The following LRRC37A variants were observed in gnomAD, a reference collection of about 807,000 sequenced individuals.
LRRC37A encodes the protein leucine-rich repeat-containing protein 37A.
A neutral mutation model predicts 35.4 loss-of-function variants in LRRC37A; 3 were observed. The observed-to-expected ratio is 0.08, with a 90% confidence interval of 0.04 to 0.22. LRRC37A has a LOEUF of 0.22. Among genes scored for constraint, LRRC37A ranks in the 10% least tolerant of loss-of-function variants. The probability of loss-of-function intolerance (pLI) is 1.00; values close to 1 mark genes in which losing one functional copy is unlikely to be tolerated. For missense variants in LRRC37A, 67 were observed against 565.3 expected, an observed-to-expected ratio of 0.12 and a Z score of 8.94; for synonymous variants, 23 against 215.0, an observed-to-expected ratio of 0.11 and a Z score of 7.81.
chr17:46,256,408 AAGAAAAAAAAAAGAAG>A, the LRRC37A span, among the ~76,000 whole-genome samples: 1 of 152,028 alleles, frequency 6.6e-6, no homozygotes, highest in South Asian at 2.1e-4. Flanking sequence ...TCAAAACAAA[AAGAAAAAAAAAAGAAG>A]AGACCAGAGA....
At chr17:46,258,269 G>A in the LRRC37A span, among the ~76,000 whole-genome samples, 19,515 of 146,750 alleles carry the variant, frequency 0.13, 2,105 homozygotes, top group Non-Finnish European at 0.21. Context: ...GGAGTGCAGC[G>A]GCACGATCCC....
chr17:46,252,206 A>T, the LRRC37A span, among the ~76,000 whole-genome samples: 1 of 137,056 alleles, frequency 7.3e-6, no homozygotes, highest in African/African-American at 2.6e-5. Context: ...CCATTCTTTG[A>T]TTCATTGATT....
chr17:46,273,944 G>A, the LRRC37A span, among the ~76,000 whole-genome samples: 20 of 152,342 alleles, frequency 1.3e-4, no homozygotes, highest in African/African-American at 4.1e-4. Context: ...ACAGATGAAG[G>A]CAATGTGTAT....
chr17:46,334,804 G>T (rs1361579667), intron 10 of LRRC37A: 1 of 128,242 alleles, frequency 7.8e-6, no homozygotes, highest in Non-Finnish European at 1.7e-5. Context: ...CTCTTCATCA[G>T]CAGGTCCACA....
chr17:46,281,484 G>A, the LRRC37A span, among the ~76,000 whole-genome samples: 1 of 151,920 alleles, frequency 6.6e-6, no homozygotes, highest in East Asian at 1.9e-4. Flanking sequence ...TGAACTCCTG[G>A]GCACAAGTGA....
chr17:46,285,938 C>T, the LRRC37A span, among the ~76,000 whole-genome samples: 1 of 152,260 alleles, frequency 6.6e-6, no homozygotes, highest in East Asian at 1.9e-4. Context: ...CCTCATCATC[C>T]TTCTCTGTTA....
the LRRC37A span, among the ~76,000 whole-genome samples, chr17:46,280,633 G>T: frequency 7.0e-6 from 1 of 143,656 alleles, no homozygotes; most frequent in Admixed American, 7.2e-5. Flanking sequence ...GAGTGCAGTG[G>T]TGTGATCTTG....
chr17:46,256,661 G>A, the LRRC37A span, among the ~76,000 whole-genome samples: 4 of 152,318 alleles, frequency 2.6e-5, no homozygotes, highest in East Asian at 3.9e-4. Flanking sequence ...TGATTAGCAA[G>A]AGGAAAATGG....
intron 5 of LRRC37A, among the ~76,000 whole-genome samples, chr17:46,321,114 A>AT (rs1449811566): frequency 6.9e-5 from 1 of 14,428 alleles, no homozygotes; most frequent in Non-Finnish European, 9.3e-5. Context: ...CAATTTATTC[A>AT]TTTTATTGAC....
the LRRC37A span, among the ~76,000 whole-genome samples, chr17:46,261,416 AT>A: frequency 0.13 from 20,225 of 150,520 alleles, 12 homozygotes; most frequent in Middle Eastern, 0.2. Flanking sequence ...TATATTTGTA[AT>A]TTTTTTTTTC....
At chr17:46,289,559 C>T (rs1252592115), upstream of LRRC37A, among the ~76,000 whole-genome samples, 3 of 152,106 alleles carry the variant, frequency 2.0e-5, no homozygotes, top group Admixed American at 6.5e-5. Context: ...AGGCTGGTCT[C>T]GAACTCCTGA....
the LRRC37A span, among the ~76,000 whole-genome samples, chr17:46,254,699 G>A: frequency 2.0e-5 from 3 of 150,018 alleles, no homozygotes; most frequent in Non-Finnish European, 3.0e-5. Flanking sequence ...GTGCCACCGC[G>A]CCTGGCAATT....
the LRRC37A span, among the ~76,000 whole-genome samples, chr17:46,257,111 A>G: frequency 6.6e-6 from 1 of 152,136 alleles, no homozygotes; most frequent in Middle Eastern, 3.2e-3. Context: ...CATCTGTAAA[A>G]CAGGGTAATA....
chr17:46,290,633 G>T (rs1238134612), upstream of LRRC37A, among the ~76,000 whole-genome samples: 3 of 152,008 alleles, frequency 2.0e-5, no homozygotes, highest in Non-Finnish European at 4.4e-5. Context: ...TTTTAGTACA[G>T]ACGGGGTTTC....
At chr17:46,255,754 C>T in the LRRC37A span, among the ~76,000 whole-genome samples, 1 of 151,226 alleles carries the variant, frequency 6.6e-6, no homozygotes, top group Non-Finnish European at 1.5e-5. Flanking sequence ...TGGCTCACTG[C>T]GAGCTCTGCT....
upstream of LRRC37A, among the ~76,000 whole-genome samples, chr17:46,290,616 T>A (rs1252846558): frequency 2.0e-5 from 3 of 151,996 alleles, no homozygotes; most frequent in African/African-American, 7.3e-5. Context: ...CTGGCTAATT[T>A]TTGCATTTTT....
chr17:46,285,523 G>A, the LRRC37A span, among the ~76,000 whole-genome samples: 1 of 152,188 alleles, frequency 6.6e-6, no homozygotes, highest in African/African-American at 2.4e-5. Context: ...TTACAGGTGT[G>A]AGCCCCCGTA....
At chr17:46,263,550 CAAAAAAAA>C in the LRRC37A span, among the ~76,000 whole-genome samples, 2 of 63,630 alleles carry the variant, frequency 3.1e-5, no homozygotes, top group Admixed American at 1.8e-4. Flanking sequence ...GACTCTGTCT[CAAAAAAAA>C]AAAAAAAAAA....
the LRRC37A span, among the ~76,000 whole-genome samples, chr17:46,273,932 G>A: frequency 0.11 from 15,499 of 143,884 alleles, 1 homozygote; most frequent in Middle Eastern, 0.18. Context: ...ATCACAGAAT[G>A]TACAGATGAA....
Sources: gnomAD v4.1 joint callset for allele counts (sites outside exome capture counted in the v4.1 genomes callset) on GRCh38, gnomAD v4.1.1 for gene constraint, MANE v1.5 for transcripts, NCBI Gene and HGNC (gene_info 2026-07-23, HGNC 2026-07-21) for gene names.